ZBTB20: variants seen among roughly 807,000 people sequenced by gnomAD.
ZBTB20 encodes the protein zinc finger and BTB domain-containing protein 20.
In ZBTB20, 9 loss-of-function variants were observed where a neutral mutation model predicts 56.9. The ratio of observed to expected loss-of-function variants is 0.16; its 90% CI spans 0.10 to 0.28. The LOEUF is 0.28. Among genes scored for constraint, ZBTB20 ranks in the 10% least tolerant of loss-of-function variants. The probability of loss-of-function intolerance (pLI) is 1.00; values close to 1 mark genes in which losing one functional copy is unlikely to be tolerated. For synonymous variants in ZBTB20, 417 were observed against 420.7 expected, an observed-to-expected ratio of 0.99 and a Z score of 0.11; for missense variants, 655 against 1,003.0, an observed-to-expected ratio of 0.65 and a Z score of 4.69.
At chr3:114,996,635 C>A (rs2108187873) in intron 2 of ZBTB20, among the ~76,000 whole-genome samples, 1 of 151,974 alleles carries the variant, frequency 6.6e-6, no homozygotes, top group Non-Finnish European at 1.5e-5. Flanking sequence ...GGTTCCAAGT[C>A]TTTGTTATTG....
chr3:115,123,294 T>C (rs2084234751), intron 1 of ZBTB20, among the ~76,000 whole-genome samples: 1 of 152,144 alleles, frequency 6.6e-6, no homozygotes, highest in Admixed American at 6.6e-5. Context: ...CATTTTCCCT[T>C]CACATAATTT....
chr3:114,978,974 C>A (rs967945369), intron 2 of ZBTB20, among the ~76,000 whole-genome samples: 39 of 150,506 alleles, frequency 2.6e-4, no homozygotes, highest in African/African-American at 9.5e-4. Context: ...TTTTTAACTG[C>A]ATAGATTTTT....
chr3:114,402,001 C>T (rs1183357141), intron 7 of ZBTB20, among the ~76,000 whole-genome samples: 1 of 152,114 alleles, frequency 6.6e-6, no homozygotes, highest in African/African-American at 2.4e-5. Flanking sequence ...AGTGAAGTAG[C>T]TGTACATATC....
chr3:114,887,422 G>A lies in ZBTB20; in HGVS notation c.-417+12882C>T, dbSNP rs542433378. On this transcript the variant is annotated intron_variant, in intron 4 of 11. Transcript: ENST00000675478. Reference sequence around the variant, plus strand: ...AACATTCCTGGGAGATACGGTCCTTGCAGATGCAACTAATTAAGAACCATG... The same window carrying A: ...AACATTCCTGGGAGATACGGTCCTTACAGATGCAACTAATTAAGAACCATG... Among the ~76,000 whole-genome samples, 7 of 152,260 alleles carry A rather than the reference G, an allele frequency of 4.6e-5. No homozygotes were observed. The East Asian group carries it at 1.3e-3, about 29-fold the overall frequency.
intron 1 of ZBTB20, among the ~76,000 whole-genome samples, chr3:115,129,175 G>A (rs906864256): frequency 3.3e-5 from 5 of 152,058 alleles, no homozygotes; most frequent in African/African-American, 1.2e-4. Context: ...ATCTGAAGAA[G>A]ATTAAACTAG....
intron 5 of ZBTB20, among the ~76,000 whole-genome samples, chr3:114,800,453 T>A (rs1038011149): frequency 4.0e-5 from 6 of 151,850 alleles, no homozygotes; most frequent in African/African-American, 1.4e-4. Context: ...GACTCTGACA[T>A]GCATTTATGG....
chr3:114,401,119 C>CACACACACACACACACACACACACACA (rs61015810), intron 7 of ZBTB20, among the ~76,000 whole-genome samples: 2 of 150,518 alleles, frequency 1.3e-5, no homozygotes, highest in African/African-American at 4.9e-5. Flanking sequence ...CACACACACA[C>CACACACACACACACACACACACACACA]TACTCCCAAT....
chr3:114,629,444 C>T (rs2058817731), intron 6 of ZBTB20, among the ~76,000 whole-genome samples: 1 of 152,056 alleles, frequency 6.6e-6, no homozygotes, highest in African/African-American at 2.4e-5. Context: ...GTTTGCTTCA[C>T]TATAGCTTAC....
intron 6 of ZBTB20, among the ~76,000 whole-genome samples, chr3:114,644,392 T>G (rs1442284436): frequency 6.6e-6 from 1 of 152,090 alleles, no homozygotes; most frequent in East Asian, 1.9e-4. Context: ...AGAGAGATGT[T>G]TGGAATTTAA....
intron 3 of ZBTB20, among the ~76,000 whole-genome samples, chr3:114,913,940 T>C (rs1008282810): frequency 1.2e-4 from 18 of 151,982 alleles, no homozygotes; most frequent in Non-Finnish European, 1.8e-4. Flanking sequence ...CATTGCTATA[T>C]ACACTGTTGG....
Position 114,351,399 on chromosome 3 carries a change from T to A in ZBTB20, c.679A>T (p.Thr227Ser). The A allele has an allele frequency of 6.2e-7, 1 of 1,612,536 alleles. No homozygotes were observed. Among genetic ancestry groups the A allele is most frequent in the Non-Finnish European group, 8.5e-7 (1 of 1,179,944 alleles). Reference protein sequence around the residue: ...ESGTSGQSSDTESGYLQSHPQ... With the variant: ...ESGTSGQSSDSESGYLQSHPQ... ...TGGCTCTGCAGGTAGCCCGACTCCG[T>A]GTCGCTGCTCTGGCCTGACGTGCCT... The change falls in exon 11 of 12, where the codon ACG becomes TCG. Residue 227 changes from threonine to serine, a missense_variant. Coordinates refer to ENST00000675478, the MANE Select transcript of ZBTB20 (RefSeq NM_001348800.3).
intron 2 of ZBTB20, among the ~76,000 whole-genome samples, chr3:115,070,125 T>G (rs1397600853): frequency 6.6e-6 from 1 of 152,148 alleles, no homozygotes; most frequent in African/African-American, 2.4e-5. Context: ...TTAAACTCAA[T>G]GACAGCTTAA....
At chr3:114,651,473 A>G (rs1296817315) in intron 6 of ZBTB20, among the ~76,000 whole-genome samples, 1 of 150,830 alleles carries the variant, frequency 6.6e-6, no homozygotes, top group Non-Finnish European at 1.5e-5. Flanking sequence ...GAATATTTTA[A>G]TTATTCTTTT....
chr3:115,001,516 T>C (rs1397094561), intron 2 of ZBTB20, among the ~76,000 whole-genome samples: 1 of 149,004 alleles, frequency 6.7e-6, no homozygotes, highest in Non-Finnish European at 1.5e-5. Context: ...TTAATATACA[T>C]ACACAAGTTT....
In ZBTB20 at chr3:114,769,737, C is replaced by CTAAG. The variant is rs530523983; in HGVS notation, c.-343+31360_-343+31363dup. On this transcript the variant is annotated intron_variant, in intron 5 of 11. Coordinates refer to ENST00000675478, the MANE Select transcript of ZBTB20 (RefSeq NM_001348800.3). ...TGTATGTTCTCCTGATATGTGGGAG[C>CTAAG]TAAGCTATGAGGGTGCAAAGGCATA... Among the ~76,000 whole-genome samples, 553 of 151,862 alleles carry CTAAG rather than the reference C, an allele frequency of 3.6e-3. 1 individual carries two copies. Among genetic ancestry groups the CTAAG allele is most frequent in the South Asian group, 0.014 (67 of 4,806 alleles).
chr3:114,963,268 T>G (rs1331337540), intron 3 of ZBTB20, among the ~76,000 whole-genome samples: 1 of 152,092 alleles, frequency 6.6e-6, no homozygotes, highest in Non-Finnish European at 1.5e-5. Flanking sequence ...AATATTAGGT[T>G]TAATTATGCT....
chr3:114,912,748 C>T (rs1041966293), intron 3 of ZBTB20, among the ~76,000 whole-genome samples: 1 of 151,830 alleles, frequency 6.6e-6, no homozygotes, highest in Admixed American at 6.6e-5. Context: ...CCCACTTCCC[C>T]GGCTCCTACT....
intron 5 of ZBTB20, among the ~76,000 whole-genome samples, chr3:114,799,995 T>C (rs560666371): frequency 7.9e-5 from 12 of 152,048 alleles, no homozygotes; most frequent in South Asian, 6.2e-4. Context: ...GAATCACCTT[T>C]AGTGTACTCT....
intron 6 of ZBTB20, among the ~76,000 whole-genome samples, chr3:114,679,099 G>T (rs566970767): frequency 9.9e-5 from 15 of 152,166 alleles, no homozygotes; most frequent in African/African-American, 3.4e-4. Flanking sequence ...AATGAAACTG[G>T]ACCCCTTCCT....
Sources: gnomAD v4.1 joint callset for allele counts (sites outside exome capture counted in the v4.1 genomes callset) on GRCh38, gnomAD v4.1.1 for gene constraint, MANE v1.5 for transcripts, NCBI Gene and HGNC (gene_info 2026-07-23, HGNC 2026-07-21) for gene names.